MAGI2: variants seen among roughly 807,000 people sequenced by gnomAD.
MAGI2 encodes the protein membrane associated guanylate kinase, WW and PDZ domain containing 2.
MAGI2 carries 35 observed loss-of-function variants against 133.3 expected under a neutral mutation model. That is an observed-to-expected ratio of 0.26 (90% confidence interval 0.20 to 0.35). The LOEUF (loss-of-function observed/expected upper bound fraction) is 0.35. Ranked by LOEUF, MAGI2 falls within the 10% of genes least tolerant of loss-of-function variation. The pLI is 1.00. For synonymous variants in MAGI2, 729 were observed against 710.6 expected (o/e 1.03, Z -0.41); for missense variants, 1,636 against 1,863.4 (o/e 0.88, Z 2.25).
chr7:78,524,830 T>C lies in MAGI2; in HGVS notation c.539-3185A>G, dbSNP rs930190408. ...ACACATACTTCTTATCTAATAAGCA[T>C]AATGTAAAACTAAATAATCTATGCA... On this transcript the variant is annotated intron_variant, in intron 3 of 21. Transcript: ENST00000354212. Among the ~76,000 whole-genome samples, 3 of 152,206 alleles carry C rather than the reference T, an allele frequency of 2.0e-5. No individual in the cohort carries two copies. In the East Asian group the frequency reaches 5.8e-4, roughly 29 times the overall value.
chr7:79,340,052 C>T (rs62458973), intron 1 of MAGI2, among the ~76,000 whole-genome samples: 48,654 of 151,868 alleles, frequency 0.32, 8,205 homozygotes, highest in East Asian at 0.52. Flanking sequence ...TCAATAGATA[C>T]GGTTATTCTT....
intron 4 of MAGI2, among the ~76,000 whole-genome samples, chr7:78,507,572 G>C (rs1336230650): frequency 1.3e-5 from 2 of 152,110 alleles, no homozygotes; most frequent in Non-Finnish European, 2.9e-5. Flanking sequence ...ATGGAGGGTG[G>C]AGAAGACATG....
At chr7:79,258,648 T>C (rs1833867418) in intron 1 of MAGI2, among the ~76,000 whole-genome samples, 1 of 152,222 alleles carries the variant, frequency 6.6e-6, no homozygotes, top group Admixed American at 6.5e-5. Context: ...GAGATGGTGT[T>C]ATGTTTTGTT....
At chr7:78,432,548 C>T (rs1049397547) in intron 6 of MAGI2, among the ~76,000 whole-genome samples, 4 of 151,958 alleles carry the variant, frequency 2.6e-5, no homozygotes, top group Non-Finnish European at 5.9e-5. Context: ...GATAATTATG[C>T]CTTGTTGACT....
rs1190672831 is a variant in MAGI2, at chr7:78,531,211, TTAAG to T, written c.539-9570_539-9567del. ...ATTGTGTTATTAATGTAATTATTAA[TTAAG>T]TTTTTTTTTTTTTTTTTGAGACAGA... On this transcript the variant is annotated intron_variant, in intron 3 of 21. Coordinates refer to ENST00000354212, the MANE Select transcript of MAGI2 (RefSeq NM_012301.4). Among the ~76,000 whole-genome samples, 699 of 149,418 alleles carry T rather than the reference TTAAG, an allele frequency of 4.7e-3. 3 individuals carry two copies. The highest frequency in any genetic ancestry group is 0.016 in the African/African-American group (649 of 39,896).
intron 6 of MAGI2, among the ~76,000 whole-genome samples, chr7:78,378,633 C>T (rs992458421): frequency 1.3e-5 from 2 of 151,968 alleles, no homozygotes; most frequent in Non-Finnish European, 2.9e-5. Flanking sequence ...CCAAATTGTA[C>T]TTCAAGTATT....
intron 1 of MAGI2, among the ~76,000 whole-genome samples, chr7:79,055,285 C>T (rs1194545869): frequency 1.3e-5 from 2 of 148,422 alleles, no homozygotes; most frequent in African/African-American, 2.5e-5. Flanking sequence ...AAGGGCATGC[C>T]TTTTTTTTTT....
chr7:79,300,028 C>A (rs1054030426), intron 1 of MAGI2, among the ~76,000 whole-genome samples: 1 of 152,140 alleles, frequency 6.6e-6, no homozygotes, highest in African/African-American at 2.4e-5. Context: ...GAAGCATGAG[C>A]CAATTAAGCC....
At chr7:78,473,920 A>C (rs1584300320) in intron 6 of MAGI2, among the ~76,000 whole-genome samples, 1 of 152,002 alleles carries the variant, frequency 6.6e-6, no homozygotes, top group Non-Finnish European at 1.5e-5. Flanking sequence ...CTGGTCAGAT[A>C]CCTATAAAAA....
intron 1 of MAGI2, among the ~76,000 whole-genome samples, chr7:79,077,791 G>A (rs572970783): frequency 6.6e-6 from 1 of 151,890 alleles, no homozygotes; most frequent in Non-Finnish European, 1.5e-5. Flanking sequence ...TGGTTACCTA[G>A]CATATATTTA....
intron 2 of MAGI2, among the ~76,000 whole-genome samples, chr7:78,921,509 C>T (rs1263100515): frequency 2.0e-5 from 3 of 152,052 alleles, no homozygotes; most frequent in Non-Finnish European, 2.9e-5. Flanking sequence ...GTTTCAGAAA[C>T]GCTGCCTTAC....
At chr7:78,962,507 ATG>A (rs555248231) in intron 2 of MAGI2, among the ~76,000 whole-genome samples, 232 of 149,370 alleles carry the variant, frequency 1.6e-3, no homozygotes, top group African/African-American at 5.6e-3. Flanking sequence ...TGCAATGCTT[ATG>A]TTTTTTTTTT....
rs140590570 is a variant in MAGI2, at chr7:78,863,204, G to T, written c.418+143886C>A. Among the ~76,000 whole-genome samples, 17 of 152,354 alleles carry T rather than the reference G, an allele frequency of 1.1e-4. No individual in the cohort carries two copies. In the East Asian group the frequency reaches 3.3e-3, roughly 29 times the overall value. ...ACAGAACTGTGAGAGGCAATGGAGG[G>T]AAGGCCTCCTGGCTTCTATTCCCCA... On this transcript the variant is annotated intron_variant, in intron 2 of 21. Transcript: ENST00000354212.
intron 21 of MAGI2, among the ~76,000 whole-genome samples, chr7:78,058,948 T>A (rs1812943046): frequency 6.6e-6 from 1 of 152,232 alleles, no homozygotes; most frequent in Non-Finnish European, 1.5e-5. Flanking sequence ...ACTTTTTGAA[T>A]CCTTCTTAAT....
At chr7:79,119,553 G>A (rs1819706418) in intron 1 of MAGI2, among the ~76,000 whole-genome samples, 2 of 152,012 alleles carry the variant, frequency 1.3e-5, no homozygotes, top group African/African-American at 4.8e-5. Flanking sequence ...AAGTTTTCAA[G>A]CTTTCTTTTT....
At chr7:78,168,650 A>T (rs1455032908) in intron 14 of MAGI2, among the ~76,000 whole-genome samples, 2 of 152,232 alleles carry the variant, frequency 1.3e-5, no homozygotes, top group East Asian at 3.8e-4. Context: ...AATAAGAAAA[A>T]TAATAATCAG....
At chr7:79,370,983 C>A (rs1843012973) in intron 1 of MAGI2, among the ~76,000 whole-genome samples, 1 of 151,792 alleles carries the variant, frequency 6.6e-6, no homozygotes, top group African/African-American at 2.4e-5. Context: ...ATATAGATAT[C>A]CTTGTCTAGT....
intron 2 of MAGI2, among the ~76,000 whole-genome samples, chr7:78,962,811 TGATC>T (rs1319649807): frequency 7.0e-6 from 1 of 143,864 alleles, no homozygotes; most frequent in Non-Finnish European, 1.5e-5. Flanking sequence ...CATTGGTATG[TGATC>T]TTTGTTCTAA....
intron 1 of MAGI2, among the ~76,000 whole-genome samples, chr7:79,259,984 G>A (rs757892133): frequency 1.2e-4 from 18 of 152,190 alleles, no homozygotes; most frequent in Non-Finnish European, 2.4e-4. Context: ...TGATTTCAAT[G>A]TGTTTGATTA....
Sources: allele counts gnomAD v4.1 joint callset (sites outside exome capture counted in the v4.1 genomes callset), GRCh38; gene constraint gnomAD v4.1.1; transcripts MANE v1.5; gene names NCBI Gene and HGNC (gene_info 2026-07-23, HGNC 2026-07-21).